The following DCC variants were observed in gnomAD, a reference collection of about 807,000 sequenced individuals.
The protein encoded by DCC is DCC netrin 1 receptor.
In DCC, 58 loss-of-function variants were observed where a neutral mutation model predicts 172.5. The observed-to-expected ratio is 0.34, with a 90% CI of 0.27 to 0.42. The LOEUF is 0.42. DCC is among the 10% of genes least tolerant of loss of function. DCC has a pLI of 1.00. For missense variants in DCC, 1,740 were observed against 1,791.0 expected, an observed-to-expected ratio of 0.97 and a Z score of 0.51; for synonymous variants, 709 against 644.5, an observed-to-expected ratio of 1.10 and a Z score of -1.52.
At chr18:52,537,154 G>A (rs537059983) in intron 1 of DCC, among the ~76,000 whole-genome samples, 45 of 152,256 alleles carry the variant, frequency 3.0e-4, no homozygotes, top group African/African-American at 1.0e-3. Context: ...ATCTTATCAT[G>A]AGTAAAACAT....
intron 5 of DCC, among the ~76,000 whole-genome samples, chr18:53,018,131 C>A (rs549369140): frequency 2.0e-5 from 3 of 152,250 alleles, no homozygotes; most frequent in East Asian, 1.9e-4. Flanking sequence ...AACAAACATG[C>A]ACATTCTGCA....
At chr18:53,500,189 T>G (rs910209517) in intron 27 of DCC, among the ~76,000 whole-genome samples, 1 of 151,962 alleles carries the variant, frequency 6.6e-6, no homozygotes, top group African/African-American at 2.4e-5. Context: ...TTGAGCTCCA[T>G]TTTGTTTTTG....
At chr18:53,161,308 A>G (rs144856383) in intron 8 of DCC, among the ~76,000 whole-genome samples, 1 of 152,232 alleles carries the variant, frequency 6.6e-6, no homozygotes, top group Non-Finnish European at 1.5e-5. Context: ...ACAATCAGCA[A>G]ATTTTGTCAC....
At chr18:53,007,114 GTATGTACTCCAAGCTTTA>G (rs973965196) in intron 5 of DCC, among the ~76,000 whole-genome samples, 58 of 152,144 alleles carry the variant, frequency 3.8e-4, no homozygotes, top group Non-Finnish European at 1.6e-4. Context: ...GCTGAAGTTT[GTATGTACTCCAAGCTTTA>G]TACATAGAAC....
Position 53,167,640 on chromosome 18 carries a change from A to AT in DCC, c.1418+10135dup, listed in dbSNP as rs760523756. On this transcript the variant is annotated intron_variant, in intron 8 of 28. Transcript: ENST00000442544. Reference sequence around the variant, plus strand: ...AATTATGAGCCCCAGCAATGTAGCCATTTTTTTATGCTCAGTGAATCTATA... The same window carrying AT: ...AATTATGAGCCCCAGCAATGTAGCCATTTTTTTTATGCTCAGTGAATCTATA... Among the ~76,000 whole-genome samples the AT allele has an allele frequency of 3.9e-5, 6 of 152,274 alleles. No homozygotes were observed. The South Asian group carries it at 6.2e-4, about 16-fold the overall frequency.
At chr18:53,226,948 A>ATATATATTTTTTT in intron 12 of DCC, among the ~76,000 whole-genome samples, 37 of 52,948 alleles carry the variant, frequency 7.0e-4, no homozygotes, top group African/African-American at 1.4e-3. Flanking sequence ...ATATATATAT[A>ATATATATTTTTTT]TTTTTTTTTT....
intron 1 of DCC, among the ~76,000 whole-genome samples, chr18:52,447,193 A>G (rs1242725189): frequency 1.3e-5 from 2 of 152,210 alleles, no homozygotes; most frequent in African/African-American, 4.8e-5. Context: ...CATGATAAAG[A>G]TAACCCCCCG....
chr18:53,152,951 C>T (rs908363896), intron 7 of DCC, among the ~76,000 whole-genome samples: 2 of 152,134 alleles, frequency 1.3e-5, no homozygotes, highest in Non-Finnish European at 2.9e-5. Flanking sequence ...GAGTCTAGAC[C>T]AGCTCTGTGA....
At chr18:53,258,908 A>G (rs985152868) in intron 12 of DCC, among the ~76,000 whole-genome samples, 1 of 152,106 alleles carries the variant, frequency 6.6e-6, no homozygotes, top group Non-Finnish European at 1.5e-5. Flanking sequence ...TTGGGTGCAT[A>G]TATGTTTAGG....
At chr18:52,990,306 A>G (rs553337921) in intron 5 of DCC, among the ~76,000 whole-genome samples, 73 of 152,126 alleles carry the variant, frequency 4.8e-4, no homozygotes, top group African/African-American at 1.3e-3. Flanking sequence ...TTTGGGAGGC[A>G]GAGGCAGGCA....
intron 5 of DCC, among the ~76,000 whole-genome samples, chr18:53,042,856 T>C (rs1599060005): frequency 6.6e-6 from 1 of 152,072 alleles, no homozygotes; most frequent in South Asian, 2.1e-4. Flanking sequence ...TTTACACTGT[T>C]GGTGGGAGTG....
chr18:53,253,440 A>C (rs7237773), intron 12 of DCC, among the ~76,000 whole-genome samples: 17,065 of 152,086 alleles, frequency 0.11, 1,033 homozygotes, highest in Middle Eastern at 0.19. Flanking sequence ...CTCAAGTATT[A>C]AATATTAGAA....
At chr18:52,564,629 T>G (rs2144746299) in intron 1 of DCC, among the ~76,000 whole-genome samples, 1 of 140,470 alleles carries the variant, frequency 7.1e-6, no homozygotes, top group South Asian at 2.6e-4. Flanking sequence ...TTCATTGATC[T>G]TTGGGCCCAG....
chr18:53,009,615 A>G (rs1277542394), intron 5 of DCC, among the ~76,000 whole-genome samples: 3 of 151,862 alleles, frequency 2.0e-5, no homozygotes, highest in South Asian at 2.1e-4. Flanking sequence ...ATGTTTCTCT[A>G]TCTGTATAGG....
rs562016426 is a variant in DCC at position 52,504,596 on chromosome 18, G to A, written c.91+163718G>A. 7.2e-5 allele frequency among the ~76,000 whole-genome samples: 11 copies of A among 152,302 alleles called. No homozygotes were observed. In the East Asian group the frequency reaches 1.9e-3, roughly 27 times the overall value. On this transcript the variant is annotated intron_variant, in intron 1 of 28. Coordinates refer to ENST00000442544, the MANE Select transcript of DCC (RefSeq NM_005215.4). ...GATCCCTGGCCCCTGCCAGCTTGGGGTGACTGTATTTTATAGGTCAAAATC... is the reference window on the plus strand; with the variant it reads ...GATCCCTGGCCCCTGCCAGCTTGGGATGACTGTATTTTATAGGTCAAAATC...
chr18:52,690,327 C>T (rs1339145523), intron 1 of DCC, among the ~76,000 whole-genome samples: 1 of 152,082 alleles, frequency 6.6e-6, no homozygotes, highest in Non-Finnish European at 1.5e-5. Context: ...CAAACACATA[C>T]TGTAAGAGGC....
intron 21 of DCC, among the ~76,000 whole-genome samples, chr18:53,433,810 T>C (rs975375593): frequency 6.6e-6 from 1 of 152,168 alleles, no homozygotes; most frequent in African/African-American, 2.4e-5. Flanking sequence ...GCATCCTATC[T>C]CCTACTTCCT....
At chr18:52,610,178 AATATATATAT>A (rs1158849717) in intron 1 of DCC, among the ~76,000 whole-genome samples, 165 of 14,058 alleles carry the variant, frequency 0.012, 2 homozygotes, top group Admixed American at 0.023. Context: ...AAAAAAAAAA[AATATATATAT>A]ATATATATAT....
chr18:52,390,992 G>C (rs2144349024), intron 1 of DCC, among the ~76,000 whole-genome samples: 1 of 152,082 alleles, frequency 6.6e-6, no homozygotes, highest in Middle Eastern at 3.4e-3. Context: ...TCTATGTAAG[G>C]GTAGAACATC....
Sources: allele counts gnomAD v4.1 joint callset (sites outside exome capture counted in the v4.1 genomes callset), GRCh38; gene constraint gnomAD v4.1.1; transcripts MANE v1.5; gene names NCBI Gene and HGNC (gene_info 2026-07-23, HGNC 2026-07-21).